Variants in SUGCT observed in about 807,000 individuals in gnomAD.
The protein encoded by SUGCT is succinyl-CoA:glutarate CoA-transferase.
In SUGCT, 41 loss-of-function variants were observed where a neutral mutation model predicts 55.0. The ratio of observed to expected loss-of-function variants is 0.74; its 90% confidence interval spans 0.58 to 0.97. SUGCT has a LOEUF of 0.97. Ranked by LOEUF, SUGCT falls within the 50% of genes least tolerant of loss-of-function variation. The probability of loss-of-function intolerance (pLI) is 0.00; values close to 1 mark genes in which losing one functional copy is unlikely to be tolerated. For missense variants in SUGCT, 568 were observed against 547.8 expected (o/e 1.04, Z -0.37); for synonymous variants, 187 against 200.4 (o/e 0.93, Z 0.56).
chr7:40,224,782 A>G (rs1450720083), intron 6 of SUGCT, among the ~76,000 whole-genome samples: 1 of 152,186 alleles, frequency 6.6e-6, no homozygotes. Flanking sequence ...AGCTATTCAG[A>G]TCAGACCGGA....
At chr7:40,901,556 G>C in the SUGCT span, among the ~76,000 whole-genome samples, 1 of 152,138 alleles carries the variant, frequency 6.6e-6, no homozygotes, top group Admixed American at 6.5e-5. Flanking sequence ...CAGGCCTCAC[G>C]GAATGATGTT....
intron 9 of SUGCT, among the ~76,000 whole-genome samples, chr7:40,363,673 A>G (rs1798265390): frequency 6.6e-6 from 1 of 152,156 alleles, no homozygotes; most frequent in Non-Finnish European, 1.5e-5. Context: ...CTGTGGTCTG[A>G]GAGACAGTTT....
chr7:40,784,332 G>C (rs917741477), intron 13 of SUGCT, among the ~76,000 whole-genome samples: 6 of 152,090 alleles, frequency 3.9e-5, no homozygotes, highest in African/African-American at 1.4e-4. Context: ...GTCTCCCTTG[G>C]ACAGGGCTAA....
intron 9 of SUGCT, among the ~76,000 whole-genome samples, chr7:40,348,932 CA>C (rs1296314654): frequency 6.6e-6 from 1 of 151,822 alleles, no homozygotes; most frequent in East Asian, 1.9e-4. Context: ...AGTGGATAAG[CA>C]GACACTTTTT....
chr7:40,957,390 T>C, the SUGCT span, among the ~76,000 whole-genome samples: 1 of 152,026 alleles, frequency 6.6e-6, no homozygotes, highest in African/African-American at 2.4e-5. Context: ...TCTTTGTCTT[T>C]TTTGATCTTT....
At chr7:40,336,075 G>C (rs1400384737) in intron 9 of SUGCT, among the ~76,000 whole-genome samples, 1 of 152,112 alleles carries the variant, frequency 6.6e-6, no homozygotes, top group Non-Finnish European at 1.5e-5. Flanking sequence ...TGTTGAACCA[G>C]CCTTGCATCC....
intron 12 of SUGCT, among the ~76,000 whole-genome samples, chr7:40,574,106 C>T (rs1385077357): frequency 2.6e-5 from 4 of 152,108 alleles, no homozygotes; most frequent in Admixed American, 1.3e-4. Context: ...CCGCTTATAA[C>T]CAGGGCTCAA....
chr7:40,433,938 C>G (rs914359997), intron 9 of SUGCT, among the ~76,000 whole-genome samples: 2 of 152,084 alleles, frequency 1.3e-5, no homozygotes. Context: ...TCTTGGCTAC[C>G]CTTGATCTTT....
intron 12 of SUGCT, among the ~76,000 whole-genome samples, chr7:40,575,773 C>G (rs1016233315): frequency 6.6e-6 from 1 of 151,630 alleles, no homozygotes; most frequent in Non-Finnish European, 1.5e-5. Context: ...TAGTGAAACC[C>G]TGTCTCTACT....
chr7:40,465,362 C>A (rs371116734), intron 11 of SUGCT, among the ~76,000 whole-genome samples: 3 of 152,192 alleles, frequency 2.0e-5, no homozygotes, highest in African/African-American at 7.2e-5. Flanking sequence ...GTAATCCTAG[C>A]GCTCTGGGAG....
chr7:40,365,030 C>A (rs1240349320), intron 9 of SUGCT, among the ~76,000 whole-genome samples: 1 of 152,060 alleles, frequency 6.6e-6, no homozygotes. Flanking sequence ...ACTGGCAAAC[C>A]GAATCCAGCA....
At chr7:40,404,582 A>G (rs537608949) in intron 9 of SUGCT, among the ~76,000 whole-genome samples, 3 of 152,166 alleles carry the variant, frequency 2.0e-5, no homozygotes, top group East Asian at 1.9e-4. Flanking sequence ...GATTACAGGC[A>G]TGTGCCACCA....
At chr7:40,920,446 G>T in the SUGCT span, among the ~76,000 whole-genome samples, 1 of 152,138 alleles carries the variant, frequency 6.6e-6, no homozygotes, top group African/African-American at 2.4e-5. Flanking sequence ...TTGCCAAAAA[G>T]AAAGGGCTGA....
rs115413438 is a variant in SUGCT, at chr7:40,515,732, T to C, written c.1089+19346T>C. Among the ~76,000 whole-genome samples, 519 of 152,346 alleles carry C rather than the reference T, an allele frequency of 3.4e-3. 4 individuals are homozygous for C. The highest frequency in any genetic ancestry group is 0.012 in the African/African-American group (483 of 41,584). On this transcript the variant is annotated intron_variant, in intron 12 of 13. Coordinates refer to ENST00000335693, the MANE Select transcript of SUGCT (RefSeq NM_001193313.2). ...GCCATTTATCTGTTATAGGCATTTG[T>C]ATTGTATCCAAATTTGGGCTACTAT...
chr7:40,464,654 A>G (rs1196693650), intron 11 of SUGCT, among the ~76,000 whole-genome samples: 1 of 152,124 alleles, frequency 6.6e-6, no homozygotes, highest in Non-Finnish European at 1.5e-5. Context: ...ACATAGCAAG[A>G]CCCTATGTTG....
intron 6 of SUGCT, among the ~76,000 whole-genome samples, chr7:40,216,755 C>A (rs1163928211): frequency 2.0e-5 from 3 of 151,404 alleles, no homozygotes; most frequent in Non-Finnish European, 4.4e-5. Flanking sequence ...ACTTTGGGGG[C>A]TGAGACAGGA....
chr7:40,951,203 G>A, the SUGCT span, among the ~76,000 whole-genome samples: 50,319 of 151,848 alleles, frequency 0.33, 8,763 homozygotes, highest in African/African-American at 0.44. Flanking sequence ...TGTATGTGTC[G>A]AGGAATTTAT....
chr7:40,295,642 G>A (rs1412456066), intron 8 of SUGCT, among the ~76,000 whole-genome samples: 1 of 151,914 alleles, frequency 6.6e-6, no homozygotes, highest in African/African-American at 2.4e-5. Flanking sequence ...TTTCTTCCAG[G>A]GACATAAATA....
chr7:40,919,913 C>T, the SUGCT span, among the ~76,000 whole-genome samples: 4 of 152,218 alleles, frequency 2.6e-5, no homozygotes, highest in Admixed American at 2.0e-4. Context: ...CCCTTCTGCA[C>T]CTTCCCTTCT....
Sources: gnomAD v4.1 joint callset for allele counts (sites outside exome capture counted in the v4.1 genomes callset) on GRCh38, gnomAD v4.1.1 for gene constraint, MANE v1.5 for transcripts, NCBI Gene and HGNC (gene_info 2026-07-23, HGNC 2026-07-21) for gene names.